The following PCDHAC2 variants were observed in gnomAD, a reference collection of about 807,000 sequenced individuals.
The protein encoded by PCDHAC2 is protocadherin alpha-C2.
Under a neutral mutation model 63.3 loss-of-function variants are expected in PCDHAC2, and 24 were observed. The ratio of observed to expected loss-of-function variants is 0.38; its 90% CI spans 0.27 to 0.53. PCDHAC2 has a LOEUF of 0.53. PCDHAC2 is among the 20% of genes least tolerant of loss of function. PCDHAC2 has a pLI of 0.81. For synonymous variants in PCDHAC2, 569 were observed against 529.4 expected, an observed-to-expected ratio of 1.07 and a Z score of -1.03; for missense variants, 1,181 against 1,275.2, an observed-to-expected ratio of 0.93 and a Z score of 1.12.
chr5:141,008,800 A>G (rs949324548), intron 3 of PCDHAC2, among the ~76,000 whole-genome samples: 8 of 152,222 alleles, frequency 5.3e-5, no homozygotes, highest in Non-Finnish European at 1.2e-4. Flanking sequence ...TTATCTAAAC[A>G]AATAGGCTCA....
In PCDHAC2 at chr5:140,982,463, G is replaced by A. The variant is rs781833977; in HGVS notation, c.2625-12G>A. 1 of 1,614,060 alleles carries A rather than the reference G, an allele frequency of 6.2e-7. No individual in the cohort carries two copies. The highest frequency in any genetic ancestry group is 1.3e-5 in the African/African-American group (1 of 74,928). On this transcript the variant is annotated splice_polypyrimidine_tract_variant and intron_variant, in intron 2 of 3. Coordinates refer to ENST00000289269, the MANE Select transcript of PCDHAC2 (RefSeq NM_018899.6). ...TGATCTAACCGTTATCTGGGTCTGT[G>A]TGTTTATTCAGCTCTGTGCACCTAG...
intron 3 of PCDHAC2, among the ~76,000 whole-genome samples, chr5:141,006,790 T>A (rs1318848521): frequency 6.6e-6 from 1 of 152,130 alleles, no homozygotes; most frequent in African/African-American, 2.4e-5. Context: ...AATAATTAGC[T>A]TTGAACTTTC....
intron 3 of PCDHAC2, among the ~76,000 whole-genome samples, chr5:140,991,890 T>A (rs1192590580): frequency 1.3e-5 from 2 of 152,192 alleles, no homozygotes; most frequent in Non-Finnish European, 2.9e-5. Context: ...CCATAACAAA[T>A]TAACACAAAA....
At chr5:140,979,548 C>A (rs2153819465) in intron 2 of PCDHAC2, among the ~76,000 whole-genome samples, 1 of 152,286 alleles carries the variant, frequency 6.6e-6, no homozygotes, top group African/African-American at 2.4e-5. Context: ...TGACATGGTT[C>A]TTCAGAAGAT....
chr5:141,009,178 G>A (rs1233603015), intron 3 of PCDHAC2, among the ~76,000 whole-genome samples: 1 of 152,212 alleles, frequency 6.6e-6, no homozygotes, highest in African/African-American at 2.4e-5. Context: ...GCCTTGGCTG[G>A]GTGTGGTAGC....
chr5:140,968,431 G>T lies in PCDHAC2; in HGVS notation c.1665G>T (p.Gly555=). 6.2e-7 allele frequency: 1 copy of T among 1,613,980 alleles called. No individual in the cohort carries two copies. The highest frequency in any genetic ancestry group is 1.1e-5 in the South Asian group (1 of 91,084). ...FFVTVEAQDK[G]SPPLSSTVTA... is the part of the protein sequence containing the mutation. Reference sequence around the variant, plus strand: ...TGACTGTGGAGGCTCAGGACAAGGGGAGCCCACCACTGAGCAGCACTGTGA... The same window carrying T: ...TGACTGTGGAGGCTCAGGACAAGGGTAGCCCACCACTGAGCAGCACTGTGA... Residue 555 remains glycine (G), a synonymous_variant, in exon 1 of 4, where the codon GGG becomes GGT. Coordinates refer to ENST00000289269, the MANE Select transcript of PCDHAC2 (RefSeq NM_018899.6).
chr5:140,984,754 A>G (rs2097118359), intron 3 of PCDHAC2, among the ~76,000 whole-genome samples: 1 of 152,158 alleles, frequency 6.6e-6, no homozygotes, highest in Admixed American at 6.5e-5. Context: ...ATTTGAGTTG[A>G]ATTCTAATCC....
intron 1 of PCDHAC2, among the ~76,000 whole-genome samples, chr5:140,973,873 G>A (rs546928847): frequency 3.3e-5 from 5 of 152,292 alleles, no homozygotes; most frequent in African/African-American, 1.2e-4. Flanking sequence ...TGAGAGGTCA[G>A]AATAATGTCA....
intron 3 of PCDHAC2, among the ~76,000 whole-genome samples, chr5:140,997,165 G>A (rs1554255769): frequency 6.6e-6 from 1 of 151,976 alleles, no homozygotes; most frequent in African/African-American, 2.4e-5. Flanking sequence ...CCTGCCCAGA[G>A]TGGTACATTC....
In PCDHAC2 at chr5:140,967,702, C is replaced by T. The variant is rs1563368615; in HGVS notation, c.936C>T (p.Ala312=). The T allele has an allele frequency of 1.9e-6, 3 of 1,614,162 alleles. No homozygotes were observed. Among genetic ancestry groups the T allele is most frequent in the Middle Eastern group, 3.3e-4 (2 of 6,062 alleles). Residue 312 remains alanine (A), a synonymous_variant, in exon 1 of 4, where the codon GCC becomes GCT. Transcript: ENST00000289269. ...DRERQLFSID[A]STGEVRVIGG... ...AGAGGCAGCTCTTCAGCATAGATGC[C>T]AGTACCGGGGAAGTGCGAGTAATTG...
chr5:141,000,395 C>CTCTATA (rs1213762225), intron 3 of PCDHAC2, among the ~76,000 whole-genome samples: 3 of 53,980 alleles, frequency 5.6e-5, no homozygotes, highest in East Asian at 6.1e-4. Flanking sequence ...CTCTCTCTCT[C>CTCTATA]TATATATATA....
Position 141,002,117 on chromosome 5 carries a change from C to T in PCDHAC2, c.2714-7510C>T, listed in dbSNP as rs74680186. Among the ~76,000 whole-genome samples, 37 of 152,378 alleles carry T rather than the reference C, an allele frequency of 2.4e-4. 1 individual carries two copies. The East Asian group carries it at 6.0e-3, about 25-fold the overall frequency. ...GGGCTGGGCCGGAAACGGCTATAAT[C>T]ATTTAATAGCCTTTGCCGGCTGCAC... On this transcript the variant is annotated intron_variant, in intron 3 of 3. Transcript: ENST00000289269.
At chr5:140,997,697 T>C (rs2153948518) in intron 3 of PCDHAC2, among the ~76,000 whole-genome samples, 1 of 151,394 alleles carries the variant, frequency 6.6e-6, no homozygotes. Flanking sequence ...TGTGTGTGTG[T>C]ATGTTAACAA....
chr5:140,988,739 G>A (rs2097310931), intron 3 of PCDHAC2, among the ~76,000 whole-genome samples: 1 of 152,096 alleles, frequency 6.6e-6, no homozygotes, highest in Non-Finnish European at 1.5e-5. Flanking sequence ...AATTATTCTA[G>A]GATTGGTGGC....
chr5:141,001,403 G>C (rs2098015477), intron 3 of PCDHAC2, among the ~76,000 whole-genome samples: 1 of 152,232 alleles, frequency 6.6e-6, no homozygotes, highest in Non-Finnish European at 1.5e-5. Flanking sequence ...AGAACAGGGA[G>C]TATATTTTTA....
intron 3 of PCDHAC2, among the ~76,000 whole-genome samples, chr5:140,982,814 A>G (rs1166333981): frequency 6.6e-6 from 1 of 151,580 alleles, no homozygotes; most frequent in Non-Finnish European, 1.5e-5. Context: ...TGTGTGTATG[A>G]AGTTTTTGGG....
chr5:141,001,114 A>G (rs1456437716), intron 3 of PCDHAC2, among the ~76,000 whole-genome samples: 4 of 152,062 alleles, frequency 2.6e-5, no homozygotes, highest in Non-Finnish European at 4.4e-5. Flanking sequence ...TAAGCAATCA[A>G]TAGTCCTTAA....
intron 3 of PCDHAC2, among the ~76,000 whole-genome samples, chr5:140,994,064 A>G (rs902624513): frequency 6.6e-6 from 1 of 152,142 alleles, no homozygotes; most frequent in African/African-American, 2.4e-5. Context: ...TATAAATCTA[A>G]TGGTGAAGGG....
At chr5:140,999,033 G>A (rs1029128098) in intron 3 of PCDHAC2, among the ~76,000 whole-genome samples, 6 of 152,148 alleles carry the variant, frequency 3.9e-5, no homozygotes, top group African/African-American at 1.4e-4. Context: ...TTGATACTTC[G>A]TCCAGTGTGC....
Sources: allele counts gnomAD v4.1 joint callset (sites outside exome capture counted in the v4.1 genomes callset), GRCh38; gene constraint gnomAD v4.1.1; transcripts MANE v1.5; gene names NCBI Gene and HGNC (gene_info 2026-07-23, HGNC 2026-07-21).